The following UNC80 variants were observed in gnomAD, a reference collection of about 807,000 sequenced individuals.
UNC80 encodes the protein unc-80 subunit of NALCN channel complex, also known as protein unc-80 homolog.
A neutral mutation model predicts 384.6 loss-of-function variants in UNC80; 164 were observed. The observed-to-expected ratio is 0.43, with a 90% CI of 0.38 to 0.49. The LOEUF (loss-of-function observed/expected upper bound fraction) is 0.49, where lower values mean the gene tolerates loss of function less well. Among genes scored for constraint, UNC80 ranks in the 20% least tolerant of loss-of-function variants. The pLI, the probability that UNC80 is intolerant of heterozygous loss-of-function variation, is 0.00. For synonymous variants in UNC80, 1,486 were observed against 1,527.8 expected, an observed-to-expected ratio of 0.97 and a Z score of 0.64; for missense variants, 3,330 against 4,143.0, an observed-to-expected ratio of 0.80 and a Z score of 5.39.
intron 5 of UNC80, among the ~76,000 whole-genome samples, chr2:209,787,526 C>T (rs1237112070): frequency 2.0e-5 from 3 of 152,098 alleles, no homozygotes; most frequent in Non-Finnish European, 2.9e-5. Flanking sequence ...TTTTGCGCCA[C>T]ATAACAGCAT....
At chr2:209,781,315 C>T (rs2077145717) in intron 4 of UNC80, among the ~76,000 whole-genome samples, 1 of 152,126 alleles carries the variant, frequency 6.6e-6, no homozygotes, top group African/African-American at 2.4e-5. Flanking sequence ...AATTGAGATC[C>T]AGAGAGATAA....
At chr2:209,784,791 T>C (rs1026610587) in intron 4 of UNC80, among the ~76,000 whole-genome samples, 1 of 152,230 alleles carries the variant, frequency 6.6e-6, no homozygotes, top group Admixed American at 6.5e-5. Flanking sequence ...AGGTGCTCTA[T>C]AAATGTTTAC....
rs987290683 is a variant in UNC80, at chr2:209,995,704, C to A, written c.*109C>A. 3 of 1,303,934 alleles carry A rather than the reference C, an allele frequency of 2.3e-6. No homozygotes were observed. Among genetic ancestry groups the A allele is most frequent in the Admixed American group, 2.5e-5 (1 of 40,074 alleles). The allele number at this position is 1,303,934 out of a possible 1,614,324, so 80.8% of individuals were successfully genotyped here. On this transcript the variant is annotated 3_prime_UTR_variant, in exon 65 of 65. Coordinates refer to ENST00000673920, the MANE Select transcript of UNC80 (RefSeq NM_001371986.1). ...AGATTAATTACAAAATAGCACTTTA[C>A]TTCTAATGGGTGGCACAAATCTGAA... is the stretch of plus-strand genomic sequence containing the variant.
intron 61 of UNC80, among the ~76,000 whole-genome samples, chr2:209,986,001 T>G (rs2093279509): frequency 6.6e-6 from 1 of 152,212 alleles, no homozygotes; most frequent in Non-Finnish European, 1.5e-5. Flanking sequence ...TTGCCAGCCC[T>G]TGCCTTGACA....
chr2:209,873,662 T>A (rs1247177134), intron 23 of UNC80, among the ~76,000 whole-genome samples: 2 of 152,216 alleles, frequency 1.3e-5, no homozygotes, highest in African/African-American at 4.8e-5. Flanking sequence ...TCTGCTAATT[T>A]TAGACAGAGC....
At chr2:209,848,224 T>A (rs1411256385) in intron 21 of UNC80, among the ~76,000 whole-genome samples, 1 of 152,076 alleles carries the variant, frequency 6.6e-6, no homozygotes, top group Non-Finnish European at 1.5e-5. Flanking sequence ...TTTGTATCAT[T>A]TGAGATTTTG....
intron 60 of UNC80, among the ~76,000 whole-genome samples, chr2:209,983,375 T>A (rs2093205349): frequency 1.3e-5 from 2 of 152,214 alleles, no homozygotes; most frequent in African/African-American, 4.8e-5. Context: ...AAGGCAATGT[T>A]TTATATAAGT....
Position 209,819,096 on chromosome 2 carries a change from C to G in UNC80, c.1797C>G (p.Leu599=). The G allele has an allele frequency of 6.4e-7, 1 of 1,552,174 alleles. No individual in the cohort carries two copies. Among genetic ancestry groups the G allele is most frequent in the South Asian group, 1.2e-5 (1 of 84,058 alleles). ...TTTTCAATGAGCATATGAGGAAACT[C>G]TGCAACCAGGTGCCTATCCCGGAGA... ...ADFFNEHMRK[L]CNQVPIPEMP... is the part of the protein sequence containing the mutation. The change falls in exon 12 of 65, where the codon CTC becomes CTG. Residue 599 remains leucine, a synonymous_variant. Coordinates refer to ENST00000673920, the MANE Select transcript of UNC80 (RefSeq NM_001371986.1).
At position 209,982,202 on chromosome 2, in the gene UNC80, G is replaced by A. The variant is rs577009807; in HGVS notation, c.9142G>A (p.Val3048Met). The change falls in exon 60 of 65, where the codon GTG becomes ATG. Residue 3048 changes from valine to methionine, a missense_variant. Physicochemically the swap from Val to Met is conservative, Grantham distance 21 (BLOSUM62 1). This residue lies in a region of UNC80 where 216 missense variants were observed against 245.3 expected (regional missense o/e 0.88). Transcript: ENST00000673920. ...EENDSISMPS[V>M]VSEQEAYLLS... ...AGATGACTCTATAAGCATGCCCAGC[G>A]TGGTAAGTGAACAAGAAGCTTACCT... 1.5e-4 allele frequency: 230 copies of A among 1,551,568 alleles called. 1 individual carries two copies. In the East Asian group the frequency reaches 2.5e-3, roughly 17 times the overall value.
At chr2:209,860,702 T>C (rs905900191) in intron 22 of UNC80, among the ~76,000 whole-genome samples, 12 of 152,038 alleles carry the variant, frequency 7.9e-5, no homozygotes, top group African/African-American at 2.7e-4. Flanking sequence ...TTTCCATTTG[T>C]TTGTGTCCTC....
intron 56 of UNC80, among the ~76,000 whole-genome samples, chr2:209,973,539 C>T (rs549052494): frequency 1.3e-5 from 2 of 152,234 alleles, no homozygotes; most frequent in African/African-American, 2.4e-5. Context: ...CAAAAAACAA[C>T]GTGGTTTCAC....
intron 7 of UNC80, among the ~76,000 whole-genome samples, chr2:209,796,699 G>A (rs2078180116): frequency 1.3e-5 from 2 of 152,030 alleles, no homozygotes; most frequent in South Asian, 4.2e-4. Context: ...TTCTTTTGCT[G>A]CTTCTTCATT....
intron 18 of UNC80, among the ~76,000 whole-genome samples, chr2:209,837,515 CT>C (rs926569839): frequency 1.3e-5 from 2 of 152,080 alleles, no homozygotes. Flanking sequence ...CACATGTGTA[CT>C]TTTTTCCCCC....
In UNC80 at chr2:209,998,312, A is replaced by C. The variant is rs1489465800; in HGVS notation, c.*2717A>C. On this transcript the variant is annotated 3_prime_UTR_variant, in exon 65 of 65. Transcript: ENST00000673920. ...GCAAAACATTTTACTTTCATTTTTC[A>C]GTATTTGCTGCTTTCTAGAATTCTA... The C allele has an allele frequency of 6.6e-6, 1 of 152,216 alleles. No individual in the cohort carries two copies. Among genetic ancestry groups the C allele is most frequent in the Non-Finnish European group, 1.5e-5 (1 of 68,020 alleles). 9.4% of individuals were successfully genotyped at this position (152,216 alleles called of 1,614,324 possible). A position where few individuals can be genotyped will look rare whatever the true frequency, so the allele number is the denominator to read the frequency against.
intron 14 of UNC80, among the ~76,000 whole-genome samples, chr2:209,828,258 C>T (rs1371852481): frequency 6.6e-6 from 1 of 151,998 alleles, no homozygotes; most frequent in Non-Finnish European, 1.5e-5. Flanking sequence ...TATATTTTAC[C>T]TAAGTGCTTT....
intron 22 of UNC80, among the ~76,000 whole-genome samples, chr2:209,866,533 C>CAGAGAGAGAGAG (rs369408644): frequency 1.9e-5 from 2 of 104,084 alleles, no homozygotes; most frequent in African/African-American, 4.0e-5. Context: ...CACACACACA[C>CAGAGAGAGAGAG]AGAGAGAGAG....
intron 23 of UNC80, 117 bp downstream of exon 23, chr2:209,873,087 A>G (rs2084444287): frequency 2.2e-6 from 2 of 906,300 alleles, no homozygotes; most frequent in Admixed American, 5.2e-5. Context: ...TGTACCAGGT[A>G]CTGAAGGAAA....
At chr2:209,942,430 T>C (rs1188469004) in intron 44 of UNC80, among the ~76,000 whole-genome samples, 1 of 152,204 alleles carries the variant, frequency 6.6e-6, no homozygotes, top group African/African-American at 2.4e-5. Context: ...TCCCAGTAAA[T>C]GTGGTGTGTT....
intron 25 of UNC80, among the ~76,000 whole-genome samples, chr2:209,885,393 C>T (rs113144701): frequency 0.015 from 2,350 of 152,150 alleles, 75 homozygotes; most frequent in African/African-American, 0.053. Context: ...GAAGAGGGCA[C>T]ATTTGAATAT....
Sources: allele counts gnomAD v4.1 joint callset (sites outside exome capture counted in the v4.1 genomes callset), GRCh38; gene constraint gnomAD v4.1.1; regional missense constraint gnomAD v4.1.1; transcripts MANE v1.5; gene names NCBI Gene and HGNC (gene_info 2026-07-23, HGNC 2026-07-21).